The following CNTROB variants were observed in gnomAD, a reference collection of about 807,000 sequenced individuals.
CNTROB encodes the protein centrobin.
CNTROB carries 82 observed loss-of-function variants against 115.7 expected under a neutral mutation model. The observed-to-expected ratio is 0.71, with a 90% CI of 0.59 to 0.85. CNTROB has a LOEUF of 0.85. CNTROB is among the 40% of genes least tolerant of loss of function. The pLI is 0.00. For synonymous variants in CNTROB, 439 were observed against 456.4 expected (o/e 0.96, Z 0.49); for missense variants, 1,014 against 1,144.4 (o/e 0.89, Z 1.64).
intron 7 of CNTROB, among the ~76,000 whole-genome samples, chr17:7,937,589 G>A (rs1973332988): frequency 6.6e-6 from 1 of 152,130 alleles, no homozygotes; most frequent in South Asian, 2.1e-4. Context: ...AGATCATGAG[G>A]TCAGGAGTTT....
At chr17:7,938,488 G>A (rs1016054639) in intron 7 of CNTROB, among the ~76,000 whole-genome samples, 2 of 152,230 alleles carry the variant, frequency 1.3e-5, no homozygotes, top group Admixed American at 6.5e-5. Flanking sequence ...TTATAGGCTG[G>A]ATATTCTAGT....
chr17:7,947,522 T>G (rs1567937442), intron 13 of CNTROB, 49 bp from the exon 14 acceptor site: 1 of 1,510,276 alleles, frequency 6.6e-7, no homozygotes, highest in Admixed American at 2.1e-5. Flanking sequence ...GAGAAGCCCC[T>G]TCCCCCCTGA....
chr17:7,936,052 T>G lies in CNTROB; in HGVS notation c.595-314T>G. The stretch of plus-strand genomic sequence containing the variant: ...GAGCTTCTGAAGGTAGGAGTAACTT[T>G]GCACATTTTGCTGTGTGGGCTGCTG... On this transcript the variant is annotated intron_variant, in intron 4 of 18. Transcript: ENST00000563694. 1.0e-5 allele frequency: 3 copies of G among 289,834 alleles called. No individual in the cohort carries two copies. The South Asian group carries it at 1.6e-4, about 15-fold the overall frequency. 18.0% of individuals were successfully genotyped at this position (289,834 alleles called of 1,614,324 possible). A position where few individuals can be genotyped will look rare whatever the true frequency, so the allele number is the denominator to read the frequency against.
chr17:7,938,697 C>T (rs1973492136), intron 7 of CNTROB, among the ~76,000 whole-genome samples: 1 of 152,186 alleles, frequency 6.6e-6, no homozygotes, highest in African/African-American at 2.4e-5. Context: ...AGGATTCGAA[C>T]CTGAGATTTG....
chr17:7,936,069 G>A (rs1238481581), intron 4 of CNTROB: 1 of 340,116 alleles, frequency 2.9e-6, no homozygotes, highest in African/African-American at 2.1e-5. Flanking sequence ...TTTGCTGTGT[G>A]GGCTGCTGCA....
In CNTROB at chr17:7,933,115, C is replaced by A; in HGVS notation, c.36C>A (p.Leu12=). 1 of 1,614,180 alleles carries A rather than the reference C, an allele frequency of 6.2e-7. No individual in the cohort carries two copies. The highest frequency in any genetic ancestry group is 8.5e-7 in the Non-Finnish European group (1 of 1,180,014). Residue 12 remains leucine, a synonymous_variant, in exon 1 of 19, where the codon CTC becomes CTA. Transcript: ENST00000563694. ...ATSADSPSSP[L]GAEDLLSDSS... is the part of the protein sequence containing the mutation. ...CAGCTGACAGCCCCAGTTCACCCCT[C>A]GGGGCGGAGGATCTCCTGAGTGATT...
Position 7,949,309 on chromosome 17 carries a change from G to C in CNTROB, c.2587-76G>C, listed in dbSNP as rs146513998. 202 of 1,597,790 alleles carry C rather than the reference G, an allele frequency of 1.3e-4. No homozygotes were observed. The African/African-American group carries it at 1.8e-3, about 14-fold the overall frequency. On this transcript the variant is annotated intron_variant, in intron 18 of 18. Transcript: ENST00000563694. The stretch of plus-strand genomic sequence containing the variant: ...TGCAGACTCATCTGGCCCTCTCCAC[G>C]TGCATTTCCTCAGTGGGGTGGGGAA...
chr17:7,945,961 C>T lies in CNTROB; in HGVS notation c.1968C>T (p.Pro656=), dbSNP rs1387117661. 3 of 1,614,154 alleles carry T rather than the reference C, an allele frequency of 1.9e-6. No individual in the cohort carries two copies. Among genetic ancestry groups the T allele is most frequent in the Non-Finnish European group, 2.5e-6 (3 of 1,179,974 alleles). The part of the protein sequence containing the change: ...QSQHSFQPLE[P]KPDLTSSTAG... ...AGCATTCTTTCCAGCCCCTGGAGCC[C>T]AAACCAGACCTCACTTCATCCACAG... Residue 656 remains proline, a synonymous_variant, in exon 13 of 19, where the codon CCC becomes CCT. Coordinates refer to ENST00000563694, the MANE Select transcript of CNTROB (RefSeq NM_053051.5).
Position 7,932,986 on chromosome 17 carries a change from C to T in CNTROB, c.-94C>T. On this transcript the variant is annotated 5_prime_UTR_variant, in exon 1 of 19. Coordinates refer to ENST00000563694, the MANE Select transcript of CNTROB (RefSeq NM_053051.5). ...TTGGCGTGGAGTCTTCCTCCCTTCT[C>T]CCAAGTCTTTCTCCGTGAACTTTTC... 3 of 1,364,994 alleles carry T rather than the reference C, an allele frequency of 2.2e-6. No individual in the cohort carries two copies. Among genetic ancestry groups the T allele is most frequent in the Non-Finnish European group, 3.0e-6 (3 of 997,894 alleles). The allele number at this position is 1,364,994 out of a possible 1,614,324, so 84.6% of individuals were successfully genotyped here. A position where few individuals can be genotyped will look rare whatever the true frequency, so the allele number is the denominator to read the frequency against.
Position 7,949,821 on chromosome 17 carries a change from T to G in CNTROB, c.*311T>G, listed in dbSNP as rs1006017373. The G allele has an allele frequency of 7.6e-6, 2 of 263,674 alleles. No homozygotes were observed. The highest frequency in any genetic ancestry group is 1.4e-5 in the Non-Finnish European group (2 of 141,688). The allele number at this position is 263,674 out of a possible 1,614,324, so 16.3% of individuals were successfully genotyped here. ...CAATGAACTCTGGGTGGTAGTGGAA[T>G]TATGGGTGATTCTTAGTTTTTTAAT... On this transcript the variant is annotated 3_prime_UTR_variant, in exon 19 of 19. Coordinates refer to ENST00000563694, the MANE Select transcript of CNTROB (RefSeq NM_053051.5).
Position 7,943,416 on chromosome 17 carries a change from A to C in CNTROB, c.1337A>C (p.Gln446Pro). Residue 446 changes from glutamine (Q) to proline (P), a missense_variant, in exon 10 of 19, where the codon CAG becomes CCG. Coordinates refer to ENST00000563694, the MANE Select transcript of CNTROB (RefSeq NM_053051.5). The surrounding 1 kb of genome is among the most constrained non-coding windows in gnomAD (Gnocchi z 4.7). ...GCCCGGTATGAAAGCCAGCGGATCC[A>C]GCTGGAGTCGGAGCTGGCTGTGCAG... ...VQARYESQRI[Q>P]LESELAVQLE... The C allele has an allele frequency of 1.2e-6, 2 of 1,613,274 alleles. No individual in the cohort carries two copies. The highest frequency in any genetic ancestry group is 8.5e-7 in the Non-Finnish European group (1 of 1,179,236).
intron 4 of CNTROB, chr17:7,935,808 T>A (rs1488735329): frequency 6.2e-6 from 1 of 161,192 alleles, no homozygotes; most frequent in Admixed American, 5.8e-5. Context: ...CTCTGCTAGC[T>A]TGTGCACAGG....
chr17:7,936,589 C>G (rs1221708997), intron 5 of CNTROB, 107 bp downstream of exon 5: 5 of 791,594 alleles, frequency 6.3e-6, no homozygotes, highest in Non-Finnish European at 9.3e-6. Flanking sequence ...GAGAGCTGGG[C>G]AAGGGGTTGG....
At chr17:7,940,532 G>C (rs1230418617) in intron 9 of CNTROB, among the ~76,000 whole-genome samples, 2 of 152,166 alleles carry the variant, frequency 1.3e-5, no homozygotes, top group African/African-American at 4.8e-5. Flanking sequence ...ACCACACTTA[G>C]TGGGTTGACA....
chr17:7,939,391 G>T lies in CNTROB; in HGVS notation c.928-122G>T. 1 of 846,746 alleles carries T rather than the reference G, an allele frequency of 1.2e-6. No individual in the cohort carries two copies. Among genetic ancestry groups the T allele is most frequent in the Non-Finnish European group, 1.9e-6 (1 of 521,442 alleles). The allele number at this position is 846,746 out of a possible 1,614,324, so 52.5% of individuals were successfully genotyped here. Reference sequence around the variant, plus strand: ...TTACAGGTGTGAGCCACCGCACCCGGCCTAATTATTGTGTTTTTAATGAGC... The same window carrying T: ...TTACAGGTGTGAGCCACCGCACCCGTCCTAATTATTGTGTTTTTAATGAGC... On this transcript the variant is annotated intron_variant, in intron 7 of 18. Transcript: ENST00000563694. This position sits in a 1 kb window ranked among gnomAD's most constrained non-coding sequence, Gnocchi z 4.4.
chr17:7,936,725 T>C lies in CNTROB; in HGVS notation c.736T>C (p.Trp246Arg). Residue 246 changes from tryptophan (W) to arginine (R), a missense_variant, in exon 6 of 19, where the codon TGG becomes CGG. Physicochemically the swap from Trp to Arg is moderately radical, Grantham distance 101. Coordinates refer to ENST00000563694, the MANE Select transcript of CNTROB (RefSeq NM_053051.5). ...GACCCTGGCCCGTGTGGTGGAGGGC[T>C]GGAACCGGCATGAGGCTGAGCGGAC... ...DKTLARVVEGWNRHEAERTEV... is the reference protein window; with the variant it reads ...DKTLARVVEGRNRHEAERTEV... 2.0e-6 allele frequency: 3 copies of C among 1,524,444 alleles called. No homozygotes were observed. The highest frequency in any genetic ancestry group is 3.3e-5 in the Admixed American group (2 of 59,898). 94.4% of individuals were successfully genotyped at this position (1,524,444 alleles called of 1,614,324 possible). A position where few individuals can be genotyped will look rare whatever the true frequency, so the allele number is the denominator to read the frequency against.
Position 7,948,210 on chromosome 17 carries a change from C to T in CNTROB, c.2263C>T (p.Pro755Ser). Residue 755 changes from proline to serine, a missense_variant, in exon 16 of 19, where the codon CCG becomes TCG. By Grantham distance (74) the Pro-to-Ser change is moderately conservative (BLOSUM62 -1). Coordinates refer to ENST00000563694, the MANE Select transcript of CNTROB (RefSeq NM_053051.5). This position sits in a 1 kb window ranked among gnomAD's most constrained non-coding sequence, Gnocchi z 4.4. The stretch of plus-strand genomic sequence containing the variant: ...AGCCCCTCAAGTGCCACGTATTCCA[C>T]CGCCTGTCCACAAAACCAAAGTTCC... ...EEAPQVPRIP[P>S]PVHKTKVPLA... is the part of the protein sequence containing the mutation. 1 of 1,614,188 alleles carries T rather than the reference C, an allele frequency of 6.2e-7. No individual in the cohort carries two copies. The highest frequency in any genetic ancestry group is 8.5e-7 in the Non-Finnish European group (1 of 1,180,038).
intron 9 of CNTROB, among the ~76,000 whole-genome samples, chr17:7,940,826 T>C (rs2151755809): frequency 6.6e-6 from 1 of 152,336 alleles, no homozygotes; most frequent in South Asian, 2.1e-4. Context: ...TGCCATGGAA[T>C]AGAGCAGGAG....
Position 7,939,400 on chromosome 17 carries a change from TTG to T in CNTROB, c.928-109_928-108del. 1 of 900,604 alleles carries T rather than the reference TTG, an allele frequency of 1.1e-6. No individual in the cohort carries two copies. The allele number at this position is 900,604 out of a possible 1,614,324, so 55.8% of individuals were successfully genotyped here. ...TGAGCCACCGCACCCGGCCTAATTA[TTG>T]TGTTTTTAATGAGCATAATTCTCAG... On this transcript the variant is annotated intron_variant, in intron 7 of 18. Transcript: ENST00000563694. This position sits in a 1 kb window ranked among gnomAD's most constrained non-coding sequence, Gnocchi z 4.4.
Sources: gnomAD v4.1 joint callset for allele counts (sites outside exome capture counted in the v4.1 genomes callset) on GRCh38, gnomAD v4.1.1 for gene constraint, Gnocchi (gnomAD v3.1) non-coding constraint, MANE v1.5 for transcripts, NCBI Gene and HGNC (gene_info 2026-07-23, HGNC 2026-07-21) for gene names.